SLC27A2: variants seen among roughly 807,000 people sequenced by gnomAD.
SLC27A2 encodes the protein long-chain fatty acid transport protein 2.
A neutral mutation model predicts 60.0 loss-of-function variants in SLC27A2; 54 were observed. The observed-to-expected ratio is 0.90, with a 90% CI of 0.72 to 1.13. The LOEUF (loss-of-function observed/expected upper bound fraction) is 1.13, where lower values mean the gene tolerates loss of function less well. Ranked by LOEUF, SLC27A2 falls within the 50% of genes most tolerant of loss-of-function variation. SLC27A2 has a pLI of 0.00. For synonymous variants in SLC27A2, 297 were observed against 297.6 expected (o/e 1.00, Z 0.02); for missense variants, 739 against 777.6 (o/e 0.95, Z 0.59).
Position 50,182,434 on chromosome 15 carries a change from T to G in SLC27A2, c.7T>G (p.Ser3Ala). ...AGAGGGCCCCGCAGCCGTCATGCTTTCCGCCATCTACACAGTCCTGGCGGG... is the reference window on the plus strand; with the variant it reads ...AGAGGGCCCCGCAGCCGTCATGCTTGCCGCCATCTACACAGTCCTGGCGGG... MLSAIYTVLAGLL... is the reference protein window; with the variant it reads MLAAIYTVLAGLL... Residue 3 changes from serine to alanine, a missense_variant, in exon 1 of 10, where the codon TCC becomes GCC. Physicochemically the swap from Ser to Ala is moderately conservative, Grantham distance 99. Transcript: ENST00000267842. 1 of 1,589,798 alleles carries G rather than the reference T, an allele frequency of 6.3e-7. No homozygotes were observed. The highest frequency in any genetic ancestry group is 1.1e-5 in the South Asian group (1 of 89,356).
At chr15:50,233,637 A>G (rs2045330162) in intron 8 of SLC27A2, among the ~76,000 whole-genome samples, 1 of 152,226 alleles carries the variant, frequency 6.6e-6, no homozygotes, top group Non-Finnish European at 1.5e-5. Context: ...GATCATCAAT[A>G]CAACACACTT....
In SLC27A2 at chr15:50,197,505, C is replaced by T. The variant is rs770782463; in HGVS notation, c.484C>T (p.Gln162Ter). ...AKVLLVSPEL[Q>*]AAVEEILPSL... is the part of the protein sequence containing the mutation. ...ATTTTTCTTATTAAATTAAGAACTA[C>T]AAGCAGCTGTCGAAGAGATACTGCC... The change falls in exon 2 of 10, where the codon CAA (glutamine) becomes TAA (stop). Residue 162 changes from glutamine (Q) to a stop codon, truncating the protein, a stop_gained. Coordinates refer to ENST00000267842, the MANE Select transcript of SLC27A2 (RefSeq NM_003645.4). LOFTEE classifies it high-confidence loss of function. 1.1e-5 allele frequency: 17 copies of T among 1,611,852 alleles called. No individual in the cohort carries two copies. The Admixed American group carries it at 1.8e-4, about 17-fold the overall frequency.
At chr15:50,234,985 A>G (rs1174208575) in intron 9 of SLC27A2, among the ~76,000 whole-genome samples, 1 of 150,202 alleles carries the variant, frequency 6.7e-6, no homozygotes, top group Non-Finnish European at 1.5e-5. Flanking sequence ...GTGGTGTGAA[A>G]TTTAATTGGA....
chr15:50,216,611 T>TGTATAC (rs1491112116), intron 4 of SLC27A2, among the ~76,000 whole-genome samples: 6 of 5,048 alleles, frequency 1.2e-3, no homozygotes, highest in Non-Finnish European at 2.8e-3. Context: ...TGTGTGTGTG[T>TGTATAC]ATATATATAT....
At chr15:50,184,883 T>G (rs1325411276) in intron 1 of SLC27A2, among the ~76,000 whole-genome samples, 2 of 152,070 alleles carry the variant, frequency 1.3e-5, no homozygotes, top group African/African-American at 4.8e-5. Context: ...GCTAAATTAT[T>G]TGGAAGAGAT....
At position 50,234,551 on chromosome 15, in the gene SLC27A2, C is replaced by CACTCCAGCCTGAGCAATGGAGTGAG. The variant is rs1232408576; in HGVS notation, c.1686+560_1686+584dup. ...GCAGTGAGCTGGGATCACGCCACTG[C>CACTCCAGCCTGAGCAATGGAGTGAG]ACTCCAGCCTGAGCAATGGAGTGAG... On this transcript the variant is annotated intron_variant, in intron 9 of 9. Transcript: ENST00000267842. Among the ~76,000 whole-genome samples the CACTCCAGCCTGAGCAATGGAGTGAG allele has an allele frequency of 1.9e-4, 27 of 145,926 alleles. 1 individual carries two copies. Among genetic ancestry groups the CACTCCAGCCTGAGCAATGGAGTGAG allele is most frequent in the African/African-American group, 6.5e-4 (25 of 38,734 alleles).
chr15:50,212,124 C>A (rs1363824229), intron 4 of SLC27A2, among the ~76,000 whole-genome samples: 3 of 138,488 alleles, frequency 2.2e-5, no homozygotes, highest in Non-Finnish European at 3.2e-5. Flanking sequence ...ATTCAGGAAA[C>A]TTTGGACACA....
intron 4 of SLC27A2, among the ~76,000 whole-genome samples, chr15:50,207,231 A>T (rs2140904576): frequency 6.6e-6 from 1 of 152,300 alleles, no homozygotes; most frequent in East Asian, 1.9e-4. Flanking sequence ...CCACATATAC[A>T]CATGCACACA....
intron 3 of SLC27A2, among the ~76,000 whole-genome samples, chr15:50,204,491 T>G (rs2045092755): frequency 6.6e-6 from 1 of 151,840 alleles, no homozygotes; most frequent in Non-Finnish European, 1.5e-5. Flanking sequence ...CTCAGCACTT[T>G]GGGAGGCCAA....
chr15:50,229,678 A>C (rs1474365644), intron 8 of SLC27A2, among the ~76,000 whole-genome samples: 1 of 152,226 alleles, frequency 6.6e-6, no homozygotes, highest in Non-Finnish European at 1.5e-5. Context: ...TCAAGAGAAC[A>C]AATTCATTTT....
At chr15:50,203,222 C>T (rs745624343) in intron 3 of SLC27A2, among the ~76,000 whole-genome samples, 7 of 152,018 alleles carry the variant, frequency 4.6e-5, no homozygotes, top group African/African-American at 7.2e-5. Flanking sequence ...ACACTTGAGT[C>T]TTAGATTCTA....
intron 1 of SLC27A2, among the ~76,000 whole-genome samples, chr15:50,191,328 C>T (rs1467666342): frequency 1.3e-5 from 2 of 152,212 alleles, no homozygotes; most frequent in African/African-American, 4.8e-5. Flanking sequence ...CTGCTGGGAG[C>T]TCTCAGCTGA....
At chr15:50,214,337 G>A (rs988693495) in intron 4 of SLC27A2, among the ~76,000 whole-genome samples, 6 of 151,682 alleles carry the variant, frequency 4.0e-5, no homozygotes, top group Non-Finnish European at 4.4e-5. Flanking sequence ...AAAAATTACC[G>A]ACAAAAAAAA....
Position 50,204,074 on chromosome 15 carries a change from A to G in SLC27A2, c.848-1165A>G, listed in dbSNP as rs78466367. On this transcript the variant is annotated intron_variant, in intron 3 of 9. Coordinates refer to ENST00000267842, the MANE Select transcript of SLC27A2 (RefSeq NM_003645.4). Reference sequence around the variant, plus strand: ...AATTTGAAATCCAAAATGCTCCAAAATCTGTAACTTTTTAAGCACCAGGAC... The same window carrying G: ...AATTTGAAATCCAAAATGCTCCAAAGTCTGTAACTTTTTAAGCACCAGGAC... Among the ~76,000 whole-genome samples, 604 of 152,272 alleles carry G rather than the reference A, an allele frequency of 4.0e-3. 2 individuals are homozygous for G. Among genetic ancestry groups the G allele is most frequent in the African/African-American group, 0.014 (575 of 41,550 alleles).
At chr15:50,210,791 G>C (rs1477684954) in intron 4 of SLC27A2, among the ~76,000 whole-genome samples, 1 of 152,226 alleles carries the variant, frequency 6.6e-6, no homozygotes, top group Non-Finnish European at 1.5e-5. Flanking sequence ...CGGGGCCGTT[G>C]AGGGGGCACG....
intron 4 of SLC27A2, among the ~76,000 whole-genome samples, chr15:50,220,675 G>A (rs1311958980): frequency 6.6e-6 from 1 of 152,162 alleles, no homozygotes; most frequent in Non-Finnish European, 1.5e-5. Context: ...GGAGGGGGTG[G>A]TCTCTGAATA....
chr15:50,182,814 T>A lies in SLC27A2; in HGVS notation c.387T>A (p.Cys129Ter). 1.9e-6 allele frequency: 3 copies of A among 1,613,548 alleles called. No homozygotes were observed. The highest frequency in any genetic ancestry group is 2.5e-6 in the Non-Finnish European group (3 of 1,179,968). The part of the protein sequence containing the change: ...WLWLGLVKLG[C>*]AMACLNYNIR... ...GGCTGGGGCTGGTGAAGCTGGGCTG[T>A]GCCATGGCGTGCCTCAATTACAACA... Residue 129 changes from cysteine to a stop codon, truncating the protein, a stop_gained, in exon 1 of 10, where the codon TGT becomes TGA. Transcript: ENST00000267842. LOFTEE classifies it high-confidence loss of function.
At chr15:50,211,842 C>T (rs937648464) in intron 4 of SLC27A2, among the ~76,000 whole-genome samples, 20 of 152,040 alleles carry the variant, frequency 1.3e-4, no homozygotes, top group East Asian at 5.8e-4. Flanking sequence ...GAGGCTGAGG[C>T]AGGCAGATCA....
At chr15:50,206,156 TCTG>T (rs1485339153) in intron 4 of SLC27A2, among the ~76,000 whole-genome samples, 1 of 152,106 alleles carries the variant, frequency 6.6e-6, no homozygotes, top group African/African-American at 2.4e-5. Context: ...GCGGACTTAT[TCTG>T]TGCATTGTAG....
Sources: allele counts gnomAD v4.1 joint callset (sites outside exome capture counted in the v4.1 genomes callset), GRCh38; gene constraint gnomAD v4.1.1; transcripts MANE v1.5; gene names NCBI Gene and HGNC (gene_info 2026-07-23, HGNC 2026-07-21).